Variants in MAP2K2 observed in about 807,000 individuals in gnomAD.
MAP2K2 encodes dual specificity mitogen-activated protein kinase kinase 2.
A neutral mutation model predicts 43.7 loss-of-function variants in MAP2K2; 24 were observed. That is an observed-to-expected ratio of 0.55 (90% CI 0.40 to 0.77). MAP2K2 has a LOEUF of 0.77. Ranked by LOEUF, MAP2K2 falls within the 30% of genes least tolerant of loss-of-function variation. The pLI is 0.00. For missense variants in MAP2K2, 470 were observed against 566.8 expected (o/e 0.83, Z 1.73); for synonymous variants, 244 against 239.7 (o/e 1.02, Z -0.17).
intron 8 of MAP2K2, among the ~76,000 whole-genome samples, chr19:4,096,408 C>A (rs1316132577): frequency 6.6e-6 from 1 of 152,216 alleles, no homozygotes; most frequent in East Asian, 1.9e-4. Context: ...GACACAGAAA[C>A]CCACAGAAGG....
chr19:4,122,638 T>A (rs2041316267), intron 1 of MAP2K2, among the ~76,000 whole-genome samples: 2 of 143,830 alleles, frequency 1.4e-5, no homozygotes, highest in African/African-American at 5.2e-5. Context: ...TGCAAGGACA[T>A]CTCCTTGGCC....
chr19:4,107,045 G>A (rs1014417874), intron 3 of MAP2K2, among the ~76,000 whole-genome samples: 1 of 152,194 alleles, frequency 6.6e-6, no homozygotes, highest in Admixed American at 6.5e-5. Context: ...AGACCCCAGG[G>A]AAGCAGCCAG....
chr19:4,099,638 C>A, intron 6 of MAP2K2: 2 of 589,370 alleles, frequency 3.4e-6, no homozygotes, highest in South Asian at 2.1e-5. Flanking sequence ...TGGTGTTGAC[C>A]GCAGCTCTTG....
intron 10 of MAP2K2, among the ~76,000 whole-genome samples, chr19:4,090,995 G>A (rs367581486): frequency 5.9e-5 from 9 of 152,220 alleles, no homozygotes; most frequent in East Asian, 3.9e-4. Context: ...GTCTACGCTC[G>A]CGCAAGCCCA....
chr19:4,103,382 C>A (rs1053920464), intron 3 of MAP2K2: 6 of 448,696 alleles, frequency 1.3e-5, no homozygotes, highest in African/African-American at 1.1e-4. Flanking sequence ...ACCCAAGGTG[C>A]CTCTTCAGAG....
At chr19:4,093,223 G>A (rs1049241395) in intron 10 of MAP2K2, among the ~76,000 whole-genome samples, 2 of 150,852 alleles carry the variant, frequency 1.3e-5, no homozygotes, top group African/African-American at 2.5e-5. Flanking sequence ...CATCTTTGCG[G>A]GGAAAAACAA....
At chr19:4,109,151 C>T (rs975975577) in intron 3 of MAP2K2, among the ~76,000 whole-genome samples, 13 of 152,196 alleles carry the variant, frequency 8.5e-5, no homozygotes, top group African/African-American at 2.9e-4. Context: ...CGACGCTGTG[C>T]GGCAGGCGGT....
chr19:4,123,598 C>T (rs1454379998), intron 1 of MAP2K2, among the ~76,000 whole-genome samples, 186 bp downstream of exon 1: 165 of 141,604 alleles, frequency 1.2e-3, no homozygotes, highest in Admixed American at 6.7e-3. Context: ...CCCGTCCTCC[C>T]CCGAGGGTCC....
intron 1 of MAP2K2, among the ~76,000 whole-genome samples, chr19:4,121,947 C>A (rs1413696369): frequency 1.4e-5 from 2 of 139,232 alleles, no homozygotes; most frequent in East Asian, 4.4e-4. Context: ...CCTCTCTTCC[C>A]TTTTCCCTGG....
intron 3 of MAP2K2, among the ~76,000 whole-genome samples, chr19:4,104,327 A>C (rs2041056764): frequency 6.7e-6 from 1 of 149,818 alleles, no homozygotes; most frequent in African/African-American, 2.5e-5. Flanking sequence ...CCACTTTGGG[A>C]GGCCAAAGCA....
At chr19:4,112,985 C>T (rs985724535) in intron 2 of MAP2K2, among the ~76,000 whole-genome samples, 11 of 152,202 alleles carry the variant, frequency 7.2e-5, no homozygotes, top group Admixed American at 6.5e-4. Context: ...ATGTTCAGCA[C>T]GTCCGGACTG....
chr19:4,104,886 C>G (rs373043695), intron 3 of MAP2K2: 2 of 152,388 alleles, frequency 1.3e-5, no homozygotes, highest in Non-Finnish European at 1.5e-5. Context: ...CACTGCAGGG[C>G]GCTGAGTAGC....
chr19:4,097,470 G>T, intron 7 of MAP2K2, 127 bp from the exon 8 acceptor site: 1 of 714,284 alleles, frequency 1.4e-6, no homozygotes, highest in South Asian at 1.5e-5. Flanking sequence ...ATTGGAGGCG[G>T]GTGTGCAGAG....
Position 4,110,662 on chromosome 19 carries a change from G to A in MAP2K2, c.304-7C>T, listed in dbSNP as rs561127903. ...TGATCTCAAGGTGGATCAGCTGCAA[G>A]GGGAGAGGGGCGAGACTGGCTTGGG... On this transcript the variant is annotated splice_polypyrimidine_tract_variant and splice_region_variant and intron_variant, in intron 2 of 10. Transcript: ENST00000262948. The A allele has an allele frequency of 1.1e-5, 17 of 1,611,152 alleles. No homozygotes were observed. The East Asian group carries it at 2.2e-4, about 21-fold the overall frequency.
At chr19:4,099,472 G>A (rs1568252583) in intron 6 of MAP2K2, 58 bp from the exon 7 acceptor site, 6 of 1,423,264 alleles carry the variant, frequency 4.2e-6, no homozygotes, top group South Asian at 2.4e-5. Flanking sequence ...GCTGGAACCC[G>A]GGAGGCTTGC....
At chr19:4,099,728 T>A in intron 6 of MAP2K2, 1 of 413,586 alleles carries the variant, frequency 2.4e-6, no homozygotes, top group Non-Finnish European at 4.4e-6. Context: ...ACAGCTAACA[T>A]CTCAGAGGCT....
chr19:4,099,438 G>C lies in MAP2K2; in HGVS notation c.706-24C>G, dbSNP rs375909761. The stretch of plus-strand genomic sequence containing the variant: ...GGCTGCAGCAGAGCCAGGGAGGAAA[G>C]AGCCCAGAGGGGCGAGGATGGCAGC... On this transcript the variant is annotated intron_variant, in intron 6 of 10. Coordinates refer to ENST00000262948, the MANE Select transcript of MAP2K2 (RefSeq NM_030662.4). 14 of 1,573,370 alleles carry C rather than the reference G, an allele frequency of 8.9e-6. No individual in the cohort carries two copies. The African/African-American group carries it at 1.8e-4, about 20-fold the overall frequency.
At chr19:4,112,366 T>C (rs1818101377) in intron 2 of MAP2K2, among the ~76,000 whole-genome samples, 1 of 152,218 alleles carries the variant, frequency 6.6e-6, no homozygotes, top group East Asian at 1.9e-4. Flanking sequence ...GGGCCGGGCC[T>C]TGAGGAAGGA....
At chr19:4,105,922 C>G (rs937338175) in intron 3 of MAP2K2, among the ~76,000 whole-genome samples, 11 of 152,122 alleles carry the variant, frequency 7.2e-5, no homozygotes, top group Non-Finnish European at 1.5e-5. Flanking sequence ...TTCAGCCTCC[C>G]AAAGTGCTGG....
Sources: allele counts gnomAD v4.1 joint callset (sites outside exome capture counted in the v4.1 genomes callset), GRCh38; gene constraint gnomAD v4.1.1; transcripts MANE v1.5; gene names NCBI Gene and HGNC (gene_info 2026-07-23, HGNC 2026-07-21).